The following CSMD1 variants were observed in gnomAD, a reference collection of about 807,000 sequenced individuals.
The protein encoded by CSMD1 is CUB and sushi domain-containing protein 1.
Under a neutral mutation model 417.5 loss-of-function variants are expected in CSMD1, and 213 were observed. The observed-to-expected ratio is 0.51, with a 90% CI of 0.46 to 0.57. The LOEUF is 0.57. Ranked by LOEUF, CSMD1 falls within the 20% of genes least tolerant of loss-of-function variation. The probability of loss-of-function intolerance (pLI) is 0.00; values close to 1 mark genes in which losing one functional copy is unlikely to be tolerated. For missense variants in CSMD1, 6,923 were observed against 4,529.7 expected (o/e 1.53, Z -15.17); for synonymous variants, 2,862 against 1,736.8 (o/e 1.65, Z -16.11).
At chr8:4,505,269 A>G (rs957309731) in intron 2 of CSMD1, among the ~76,000 whole-genome samples, 1 of 152,232 alleles carries the variant, frequency 6.6e-6, no homozygotes, top group Admixed American at 6.5e-5. Context: ...ATAATGATAA[A>G]TGTGTTCTTT....
intron 1 of CSMD1, among the ~76,000 whole-genome samples, chr8:4,942,351 C>T (rs576752416): frequency 5.9e-5 from 9 of 152,170 alleles, no homozygotes; most frequent in East Asian, 5.8e-4. Context: ...ATTGCTTTCT[C>T]GGTACCCTTG....
Position 3,188,778 on chromosome 8 carries a change from A to T in CSMD1, c.5523+109T>A, listed in dbSNP as rs576697949. 10 of 946,318 alleles carry T rather than the reference A, an allele frequency of 1.1e-5. No individual in the cohort carries two copies. In the African/African-American group the frequency reaches 1.2e-4, roughly 11 times the overall value. 58.6% of individuals were successfully genotyped at this position (946,318 alleles called of 1,614,324 possible). A position where few individuals can be genotyped will look rare whatever the true frequency, so the allele number is the denominator to read the frequency against. ...TAACCAGTATAAAAGGAAAAAAGAG[A>T]GAGGGAGAGAGAGAGAGATGGAAAG... On this transcript the variant is annotated intron_variant, in intron 35 of 69. Transcript: ENST00000635120.
chr8:3,265,721 A>G (rs1801383639), intron 26 of CSMD1, among the ~76,000 whole-genome samples: 1 of 152,154 alleles, frequency 6.6e-6, no homozygotes, highest in Non-Finnish European at 1.5e-5. Flanking sequence ...TTCTCAAAGC[A>G]GGGCCCTAGC....
chr8:4,732,628 G>C (rs898659607), intron 1 of CSMD1, among the ~76,000 whole-genome samples: 2 of 152,056 alleles, frequency 1.3e-5, no homozygotes. Context: ...ACTAAATCAA[G>C]GCCCCTGGGA....
At chr8:4,490,742 AC>A (rs1801656556) in intron 2 of CSMD1, among the ~76,000 whole-genome samples, 1 of 152,170 alleles carries the variant, frequency 6.6e-6, no homozygotes, top group South Asian at 2.1e-4. Context: ...AGCCAGGATA[AC>A]CCAGGGTCAG....
At chr8:3,322,384 T>C (rs1436591161) in intron 23 of CSMD1, among the ~76,000 whole-genome samples, 1 of 152,186 alleles carries the variant, frequency 6.6e-6, no homozygotes, top group East Asian at 1.9e-4. Context: ...GAATGAGCAA[T>C]TTCTTAGTAT....
chr8:4,946,182 G>A (rs913383181), intron 1 of CSMD1, among the ~76,000 whole-genome samples: 1 of 152,154 alleles, frequency 6.6e-6, no homozygotes, highest in African/African-American at 2.4e-5. Context: ...ACTCCGTGTT[G>A]TTTTGGTCTG....
intron 2 of CSMD1, among the ~76,000 whole-genome samples, chr8:4,519,035 T>C (rs1295268293): frequency 1.3e-5 from 2 of 152,318 alleles, no homozygotes; most frequent in Admixed American, 6.5e-5. Flanking sequence ...ACACTCCTTA[T>C]GGCTAGTTTT....
At chr8:3,947,635 A>T (rs1449142603) in intron 5 of CSMD1, among the ~76,000 whole-genome samples, 1 of 150,348 alleles carries the variant, frequency 6.7e-6, no homozygotes, top group Non-Finnish European at 1.5e-5. Flanking sequence ...TTTCCCACAT[A>T]TTCTGTTATC....
chr8:4,054,682 T>G (rs2130709914), intron 3 of CSMD1, among the ~76,000 whole-genome samples: 1 of 152,266 alleles, frequency 6.6e-6, no homozygotes, highest in East Asian at 1.9e-4. Flanking sequence ...GGACATTAGC[T>G]GAATACATGT....
intron 66 of CSMD1, 37 bp from the exon 67 acceptor site, chr8:2,950,380 A>G: frequency 1.6e-6 from 2 of 1,271,968 alleles, no homozygotes; most frequent in Non-Finnish European, 2.3e-6. Flanking sequence ...TACCTTGGAG[A>G]AAGTTAGTAA....
chr8:3,489,377 C>T (rs1818237362), intron 11 of CSMD1, among the ~76,000 whole-genome samples: 1 of 152,192 alleles, frequency 6.6e-6, no homozygotes, highest in African/African-American at 2.4e-5. Flanking sequence ...CATTTTAAAA[C>T]TGTAACCTGT....
At chr8:4,208,958 A>G (rs966866884) in intron 3 of CSMD1, among the ~76,000 whole-genome samples, 7 of 152,184 alleles carry the variant, frequency 4.6e-5, no homozygotes, top group African/African-American at 1.7e-4. Context: ...GCAGTACGCA[A>G]TTTAGAGCTG....
chr8:4,215,558 C>T (rs992172515), intron 3 of CSMD1, among the ~76,000 whole-genome samples: 9 of 151,528 alleles, frequency 5.9e-5, no homozygotes, highest in Non-Finnish European at 8.8e-5. Context: ...TTCTGATAAT[C>T]ATAGATCAGG....
intron 3 of CSMD1, among the ~76,000 whole-genome samples, chr8:4,161,223 C>G (rs1489891054): frequency 1.3e-5 from 2 of 152,130 alleles, no homozygotes; most frequent in African/African-American, 2.4e-5. Flanking sequence ...GAACAACCCT[C>G]TAAAGCAAGC....
chr8:4,683,290 G>A (rs1806160192), intron 1 of CSMD1, among the ~76,000 whole-genome samples: 1 of 151,992 alleles, frequency 6.6e-6, no homozygotes, highest in South Asian at 2.1e-4. Context: ...AAAAAGAAAA[G>A]CAAAATCCAA....
intron 12 of CSMD1, among the ~76,000 whole-genome samples, chr8:3,449,205 A>T (rs917621889): frequency 6.6e-6 from 1 of 152,228 alleles, no homozygotes; most frequent in African/African-American, 2.4e-5. Flanking sequence ...TATTTGCATC[A>T]AAATAGCATA....
intron 6 of CSMD1, among the ~76,000 whole-genome samples, chr8:3,752,364 A>G (rs1453205122): frequency 1.3e-5 from 2 of 152,086 alleles, no homozygotes; most frequent in Admixed American, 6.6e-5. Flanking sequence ...AGTCTAAAAT[A>G]TATTTTGGCG....
intron 4 of CSMD1, among the ~76,000 whole-genome samples, chr8:4,024,950 C>A (rs1299215935): frequency 6.6e-6 from 1 of 152,210 alleles, no homozygotes; most frequent in East Asian, 1.9e-4. Context: ...GAGCATGAAT[C>A]TTTGTCTGAA....
Sources: gnomAD v4.1 joint callset for allele counts (sites outside exome capture counted in the v4.1 genomes callset) on GRCh38, gnomAD v4.1.1 for gene constraint, MANE v1.5 for transcripts, NCBI Gene and HGNC (gene_info 2026-07-23, HGNC 2026-07-21) for gene names.